DACH1: variants seen among roughly 807,000 people sequenced by gnomAD.
DACH1 encodes dachshund family transcription factor 1.
A neutral mutation model predicts 54.2 loss-of-function variants in DACH1; 12 were observed. The ratio of observed to expected loss-of-function variants is 0.22; its 90% CI spans 0.14 to 0.36. The LOEUF (loss-of-function observed/expected upper bound fraction) is 0.36, where lower values mean the gene tolerates loss of function less well. Ranked by LOEUF, DACH1 falls within the 10% of genes least tolerant of loss-of-function variation. The pLI is 1.00. For synonymous variants in DACH1, 386 were observed against 366.2 expected (o/e 1.05, Z -0.62); for missense variants, 805 against 929.8 (o/e 0.87, Z 1.75).
chr13:71,598,384 A>T (rs1874261529), intron 3 of DACH1, among the ~76,000 whole-genome samples: 2 of 151,922 alleles, frequency 1.3e-5, no homozygotes, highest in African/African-American at 4.8e-5. Context: ...CCTCCTGAGT[A>T]GCTGGGATTA....
chr13:71,689,807 TAA>T (rs769453861), intron 1 of DACH1, among the ~76,000 whole-genome samples: 2 of 152,182 alleles, frequency 1.3e-5, no homozygotes, highest in Non-Finnish European at 2.9e-5. Context: ...CCTAAAATAC[TAA>T]AGAGAGTTCC....
chr13:71,621,235 A>T (rs1403043135), intron 3 of DACH1, among the ~76,000 whole-genome samples: 1 of 152,008 alleles, frequency 6.6e-6, no homozygotes, highest in African/African-American at 2.4e-5. Flanking sequence ...CAACAGCTTG[A>T]AGTGACAGGA....
chr13:71,655,851 A>C (rs928354101), intron 2 of DACH1, among the ~76,000 whole-genome samples: 1 of 152,070 alleles, frequency 6.6e-6, no homozygotes, highest in African/African-American at 2.4e-5. Context: ...TCATATTCCC[A>C]AGAAAACTTT....
At chr13:71,652,376 A>G (rs887570254) in intron 2 of DACH1, among the ~76,000 whole-genome samples, 5 of 152,122 alleles carry the variant, frequency 3.3e-5, no homozygotes, top group African/African-American at 1.2e-4. Flanking sequence ...CCCATTGCCT[A>G]GAACTCAAGA....
At chr13:71,751,478 CCTGT>C (rs1247171558) in intron 1 of DACH1, among the ~76,000 whole-genome samples, 7 of 152,018 alleles carry the variant, frequency 4.6e-5, no homozygotes, top group African/African-American at 1.7e-4. Flanking sequence ...AAAATTCTGC[CCTGT>C]CTAATAATTG....
chr13:71,563,092 C>A (rs12877224), intron 4 of DACH1, among the ~76,000 whole-genome samples: 7,421 of 152,054 alleles, frequency 0.049, 255 homozygotes, highest in Non-Finnish European at 0.076. Context: ...AGCTTTAGAG[C>A]TAATTCCTAA....
intron 1 of DACH1, among the ~76,000 whole-genome samples, chr13:71,793,154 T>C (rs1244453410): frequency 6.6e-6 from 1 of 152,190 alleles, no homozygotes; most frequent in Non-Finnish European, 1.5e-5. Flanking sequence ...AAGTAGCATA[T>C]AGTTAAGCAG....
chr13:71,720,070 C>A (rs745358895), intron 1 of DACH1, among the ~76,000 whole-genome samples: 3 of 152,090 alleles, frequency 2.0e-5, no homozygotes. Flanking sequence ...TACTTGTACA[C>A]AGAAGACTTC....
intron 4 of DACH1, among the ~76,000 whole-genome samples, chr13:71,561,978 A>G (rs1207694295): frequency 2.0e-5 from 3 of 152,048 alleles, no homozygotes; most frequent in Non-Finnish European, 2.9e-5. Context: ...AAAAAGCGCT[A>G]TAAGAAGCTT....
rs781663055 is a variant in DACH1, at chr13:71,866,243, G to T, written c.527C>A (p.Pro176Gln). Residue 176 changes from proline (P) to glutamine (Q), a missense_variant, in exon 1 of 11, where the codon CCG (proline) becomes CAG (glutamine). Pro to Gln is a moderately conservative substitution (Grantham distance 76). Around this residue, in one of 3 missense-constraint regions of DACH1, gnomAD observed 305 missense variants for 308.7 expected, o/e 0.99. Coordinates refer to ENST00000613252, the MANE Select transcript of DACH1 (RefSeq NM_080759.6). ...CTGAGGGGTGTTTTCCACTGGGGAC[G>T]GGGTTGAGTACACGGGTTTCCCGGG... ...PLPGKPVYSTPSPVENTPQNN... is the reference protein window; with the variant it reads ...PLPGKPVYSTQSPVENTPQNN... The T allele has an allele frequency of 6.2e-6, 10 of 1,611,064 alleles. No individual in the cohort carries two copies. In the African/African-American group the frequency reaches 1.3e-4, roughly 22 times the overall value.
At chr13:71,616,437 TTTTG>T (rs1875770035) in intron 3 of DACH1, among the ~76,000 whole-genome samples, 1 of 152,176 alleles carries the variant, frequency 6.6e-6, no homozygotes, top group Non-Finnish European at 1.5e-5. Context: ...TTTTTGCTTA[TTTTG>T]TTTTTCTCTA....
chr13:71,805,655 C>T (rs982191363), intron 1 of DACH1, among the ~76,000 whole-genome samples: 9 of 152,120 alleles, frequency 5.9e-5, no homozygotes, highest in African/African-American at 2.2e-4. Context: ...ACTGAATCCC[C>T]TGGTTTACCG....
At chr13:71,644,598 C>T (rs1878140888) in intron 2 of DACH1, among the ~76,000 whole-genome samples, 1 of 152,198 alleles carries the variant, frequency 6.6e-6, no homozygotes, top group Admixed American at 6.5e-5. Flanking sequence ...GGAAAGAGAG[C>T]TGGCTCTGTA....
At chr13:71,485,108 T>G (rs995259084) in intron 7 of DACH1, among the ~76,000 whole-genome samples, 7 of 151,678 alleles carry the variant, frequency 4.6e-5, no homozygotes, top group African/African-American at 1.7e-4. Context: ...CCTTTGATCA[T>G]GTTCTAATGG....
chr13:71,775,380 T>C (rs532636052), intron 1 of DACH1, among the ~76,000 whole-genome samples: 1 of 152,082 alleles, frequency 6.6e-6, no homozygotes, highest in South Asian at 2.1e-4. Context: ...CATGGCCATA[T>C]AGACAAACCA....
At chr13:71,537,921 C>A (rs977323666) in intron 6 of DACH1, among the ~76,000 whole-genome samples, 1 of 152,030 alleles carries the variant, frequency 6.6e-6, no homozygotes, top group Non-Finnish European at 1.5e-5. Context: ...CTACTGAAAT[C>A]ATAAATACAT....
chr13:71,850,538 C>T (rs1461507102), intron 1 of DACH1, among the ~76,000 whole-genome samples: 3 of 152,168 alleles, frequency 2.0e-5, no homozygotes, highest in East Asian at 1.9e-4. Flanking sequence ...CCCTGCCCAC[C>T]TCCGACGTGC....
intron 1 of DACH1, among the ~76,000 whole-genome samples, chr13:71,781,786 A>G (rs1245371487): frequency 1.3e-5 from 2 of 152,154 alleles, no homozygotes; most frequent in African/African-American, 4.8e-5. Context: ...ATCACTCTGG[A>G]CTGAACAAAA....
At chr13:71,598,205 A>G (rs915879006) in intron 3 of DACH1, among the ~76,000 whole-genome samples, 1 of 152,208 alleles carries the variant, frequency 6.6e-6, no homozygotes, top group South Asian at 2.1e-4. Flanking sequence ...GGAAAACCCT[A>G]AAACTGAAGA....
Sources: allele counts gnomAD v4.1 joint callset (sites outside exome capture counted in the v4.1 genomes callset), GRCh38; gene constraint gnomAD v4.1.1; regional missense constraint gnomAD v4.1.1; transcripts MANE v1.5; gene names NCBI Gene and HGNC (gene_info 2026-07-23, HGNC 2026-07-21).